The following KLHL13 variants were observed in gnomAD, a reference collection of about 807,000 sequenced individuals.
The protein encoded by KLHL13 is kelch-like protein 13.
Under a neutral mutation model 37.1 loss-of-function variants are expected in KLHL13, and 10 were observed. That is an observed-to-expected ratio of 0.27 (90% CI 0.17 to 0.46). The LOEUF is 0.46. Among genes scored for constraint, KLHL13 ranks in the 20% least tolerant of loss-of-function variants. KLHL13 has a pLI of 1.00. For missense variants in KLHL13, 360 were observed against 509.3 expected, an observed-to-expected ratio of 0.71 and a Z score of 2.82; for synonymous variants, 163 against 181.2, an observed-to-expected ratio of 0.90 and a Z score of 0.81.
chrX:117,975,730 A>G (rs2053591276), upstream of KLHL13, among the ~76,000 whole-genome samples: 2 of 112,153 alleles, frequency 1.8e-5, no homozygotes, highest in African/African-American at 3.2e-5. Context: ...AAACCTGTGT[A>G]AAAAACATGG....
intron 1 of KLHL13, among the ~76,000 whole-genome samples, chrX:118,089,614 A>AAAGAGAG (rs2055098943): frequency 1.7e-5 from 1 of 57,536 alleles, no homozygotes; most frequent in African/African-American, 7.0e-5. Flanking sequence ...GAGAGAGAGA[A>AAAGAGAG]AGAAAGAGAA....
intron 1 of KLHL13, among the ~76,000 whole-genome samples, chrX:117,951,583 A>C (rs1354372283): frequency 8.9e-6 from 1 of 111,823 alleles, no homozygotes; most frequent in African/African-American, 3.2e-5. Flanking sequence ...GGAACTCTTT[A>C]GTTACAGATG....
chrX:117,957,620 T>A (rs1483892437), intron 1 of KLHL13, among the ~76,000 whole-genome samples: 2 of 112,130 alleles, frequency 1.8e-5, no homozygotes, highest in Non-Finnish European at 3.8e-5. Flanking sequence ...AAATATAATA[T>A]CAGCTAAACC....
chrX:117,957,330 G>T (rs1473480379), intron 1 of KLHL13, among the ~76,000 whole-genome samples: 1 of 111,916 alleles, frequency 8.9e-6, no homozygotes, highest in East Asian at 2.8e-4. Flanking sequence ...ACTGCTTGCC[G>T]AACAGAAGCC....
chrX:117,980,349 T>C (rs1280868659), intron 1 of KLHL13, among the ~76,000 whole-genome samples: 3 of 111,932 alleles, frequency 2.7e-5, no homozygotes, highest in Non-Finnish European at 5.7e-5. Context: ...TTTCTAAAAG[T>C]CTGAATTTCT....
intron 1 of KLHL13, among the ~76,000 whole-genome samples, chrX:118,108,018 G>A (rs1220075701): frequency 1.8e-5 from 2 of 111,962 alleles, no homozygotes; most frequent in African/African-American, 3.3e-5. Context: ...TTGCACCACT[G>A]CACTCCAGCC....
chrX:118,038,194 G>C lies in KLHL13; in HGVS notation c.-56+78314C>G, dbSNP rs149466592. On this transcript the variant is annotated intron_variant, in intron 1 of 6. Coordinates refer to the KLHL13 transcript ENST00000371882. ...GAATATTTAGCCAATTAAGTAACAA[G>C]TGAAGTGATGAGATTGGGAAATGTT... Among the ~76,000 whole-genome samples the C allele has an allele frequency of 1.7e-3, 185 of 111,971 alleles. 1 individual carries two copies. Among genetic ancestry groups the C allele is most frequent in the African/African-American group, 5.5e-3 (169 of 30,849 alleles).
chrX:118,009,057 AG>A (rs1034532019), intron 1 of KLHL13, among the ~76,000 whole-genome samples: 1 of 111,055 alleles, frequency 9.0e-6, no homozygotes, highest in African/African-American at 3.3e-5. Context: ...GCTATTGAGA[AG>A]TGTCTGTTCA....
At chrX:118,053,741 TAAGAA>T (rs1430238305) in intron 1 of KLHL13, among the ~76,000 whole-genome samples, 3 of 103,037 alleles carry the variant, frequency 2.9e-5, no homozygotes, top group Non-Finnish European at 3.9e-5. Context: ...AGAATAAGCA[TAAGAA>T]AAGATGTCCA....
At chrX:118,008,227 T>C (rs762740161) in intron 1 of KLHL13, among the ~76,000 whole-genome samples, 1 of 111,186 alleles carries the variant, frequency 9.0e-6, no homozygotes, top group East Asian at 2.8e-4. Flanking sequence ...GCTGGGAAGA[T>C]GAAAAGGGGA....
intron 2 of KLHL13, among the ~76,000 whole-genome samples, chrX:117,933,075 T>A (rs1277371704): frequency 9.0e-6 from 1 of 111,218 alleles, no homozygotes. Context: ...ATTTATTTTT[T>A]TTTTTGCTGT....
intron 1 of KLHL13, among the ~76,000 whole-genome samples, chrX:117,948,610 C>T (rs1377727184): frequency 9.0e-6 from 1 of 111,470 alleles, no homozygotes; most frequent in Non-Finnish European, 1.9e-5. Context: ...CAAGATTATT[C>T]ATGGGAGAGA....
intron 5 of KLHL13, among the ~76,000 whole-genome samples, chrX:117,902,806 A>C (rs1428889453): frequency 9.0e-6 from 1 of 111,129 alleles, no homozygotes; most frequent in Non-Finnish European, 1.9e-5. Context: ...TGAAAAGTTC[A>C]TATTATTTAT....
chrX:117,932,936 G>A (rs921842219), intron 2 of KLHL13, among the ~76,000 whole-genome samples: 2 of 111,439 alleles, frequency 1.8e-5, no homozygotes, highest in African/African-American at 6.5e-5. Flanking sequence ...TTGCATTGTG[G>A]TTCTGATTTG....
At chrX:118,099,903 G>A (rs1053807137) in intron 1 of KLHL13, among the ~76,000 whole-genome samples, 1 of 97,410 alleles carries the variant, frequency 1.0e-5, no homozygotes, top group East Asian at 3.1e-4. Flanking sequence ...AAGAAGGAAG[G>A]AAAGAAGGAA....
intron 1 of KLHL13, among the ~76,000 whole-genome samples, chrX:117,990,765 C>T (rs924439978): frequency 9.0e-6 from 1 of 111,518 alleles, no homozygotes; most frequent in Non-Finnish European, 1.9e-5. Context: ...GCCCTTTTAA[C>T]GTTCAAAACA....
chrX:117,972,581 T>A, intron 1 of KLHL13: 1 of 449,449 alleles, frequency 2.2e-6, no homozygotes, highest in Non-Finnish European at 3.9e-6. Context: ...AGTGTGGGCA[T>A]GCCAACATCT....
intron 1 of KLHL13, among the ~76,000 whole-genome samples, chrX:118,099,026 G>C (rs2055251358): frequency 9.7e-6 from 1 of 103,386 alleles, no homozygotes; most frequent in African/African-American, 3.5e-5. Flanking sequence ...GAGTTAATGG[G>C]TGCAGCACAC....
At chrX:118,020,642 G>A (rs976096742) in intron 1 of KLHL13, among the ~76,000 whole-genome samples, 14 of 110,665 alleles carry the variant, frequency 1.3e-4, no homozygotes, top group Non-Finnish European at 2.5e-4. Flanking sequence ...CCATTACTGG[G>A]TATATACCCA....
Sources: allele counts gnomAD v4.1 joint callset (sites outside exome capture counted in the v4.1 genomes callset), GRCh38; gene constraint gnomAD v4.1.1; transcripts MANE v1.5; gene names NCBI Gene and HGNC (gene_info 2026-07-23, HGNC 2026-07-21).